NHSL2: variants seen among roughly 807,000 people sequenced by gnomAD.
NHSL2 encodes the protein NHS-like protein 2.
In NHSL2, 27 loss-of-function variants were observed where a neutral mutation model predicts 53.4. The ratio of observed to expected loss-of-function variants is 0.51; its 90% CI spans 0.37 to 0.70. The LOEUF (loss-of-function observed/expected upper bound fraction) is 0.70. Ranked by LOEUF, NHSL2 falls within the 30% of genes least tolerant of loss-of-function variation. NHSL2 has a pLI of 0.00. For synonymous variants in NHSL2, 408 were observed against 404.1 expected (o/e 1.01, Z -0.12); for missense variants, 892 against 980.1 (o/e 0.91, Z 1.20).
At chrX:71,952,619 T>C (rs1002688416) in intron 1 of NHSL2, among the ~76,000 whole-genome samples, 9 of 110,813 alleles carry the variant, frequency 8.1e-5, no homozygotes, top group African/African-American at 2.6e-4. Flanking sequence ...ATCCCATTCA[T>C]GAGAGCTGAG....
intron 1 of NHSL2, among the ~76,000 whole-genome samples, chrX:72,106,765 A>G (rs2042044603): frequency 8.9e-6 from 1 of 112,161 alleles, no homozygotes; most frequent in Non-Finnish European, 1.9e-5. Context: ...CATACACACT[A>G]TGGAATACTG....
intron 1 of NHSL2, among the ~76,000 whole-genome samples, chrX:71,921,604 T>C (rs781451549): frequency 8.9e-6 from 1 of 111,973 alleles, no homozygotes; most frequent in Admixed American, 9.5e-5. Flanking sequence ...ATTTTTGTTT[T>C]CTTACGTCAC....
chrX:72,033,184 T>C (rs986812355), intron 1 of NHSL2, among the ~76,000 whole-genome samples: 2 of 71,305 alleles, frequency 2.8e-5, no homozygotes, highest in African/African-American at 2.5e-4. Flanking sequence ...AAGAATTGAC[T>C]TTTTTTTTTT....
At chrX:72,086,602 T>G (rs2041847129) in intron 1 of NHSL2, among the ~76,000 whole-genome samples, 1 of 101,657 alleles carries the variant, frequency 9.8e-6, no homozygotes, top group Non-Finnish European at 2.0e-5. Flanking sequence ...GAGAATCACT[T>G]GAACCTGGGA....
At position 72,146,195 on chromosome X, in the gene NHSL2, C is replaced by T. The variant is rs1367560877; in HGVS notation, c.*2621C>T. 1 of 112,587 alleles carries T rather than the reference C, an allele frequency of 8.9e-6. No individual in the cohort carries two copies. The highest frequency in any genetic ancestry group is 3.2e-5 in the African/African-American group (1 of 30,974). The allele number at this position is 112,587 out of a possible 1,213,427, so 9.3% of individuals were successfully genotyped here. ...GGGATTAAAGGAGTAAGCCACTGCA[C>T]CTGGCCTCATTTAATATTTTGCAAC... On this transcript the variant is annotated 3_prime_UTR_variant, in exon 8 of 8. Coordinates refer to ENST00000633930, the MANE Select transcript of NHSL2 (RefSeq NM_001013627.3).
chrX:71,911,495 G>A (rs1332262133), intron 1 of NHSL2, 128 bp downstream of exon 1: 2 of 571,109 alleles, frequency 3.5e-6, no homozygotes, highest in South Asian at 5.9e-5. Context: ...TCCATTCGGG[G>A]AGTGAGGGGA....
chrX:72,111,159 A>G (rs1249995847), intron 1 of NHSL2, among the ~76,000 whole-genome samples: 1 of 112,361 alleles, frequency 8.9e-6, no homozygotes, highest in Admixed American at 9.3e-5. Context: ...GAAGAGGAGG[A>G]TGAAGGCCAG....
rs1261779985 is a variant in NHSL2, at chrX:72,142,247, C to T, written c.3239C>T (p.Pro1080Leu). Residue 1080 changes from proline (P) to leucine (L), a missense_variant, in exon 7 of 8, where the codon CCA (proline) becomes CTA (leucine). By Grantham distance (98) the Pro-to-Leu change is moderately conservative (BLOSUM62 -3). Transcript: ENST00000633930. ...TTATGTCTAGGGAGTTCTGTGGAAC[C>T]AGGCACCGAAGAAAAAAGTTTAATC... is the stretch of plus-strand genomic sequence containing the variant. The part of the protein sequence containing the change: ...EASPLGSSVE[P>L]GTEEKSLISD... 1 of 1,162,797 alleles carries T rather than the reference C, an allele frequency of 8.6e-7. No individual in the cohort carries two copies. Among genetic ancestry groups the T allele is most frequent in the Admixed American group, 2.6e-5 (1 of 38,466 alleles).
intron 1 of NHSL2, among the ~76,000 whole-genome samples, chrX:71,952,374 A>G (rs774752340): frequency 1.2e-4 from 13 of 112,242 alleles, no homozygotes; most frequent in Admixed American, 1.9e-4. Context: ...TGGAGAAGGG[A>G]TGCTGTCTTA....
chrX:72,011,277 T>G (rs1432040370), intron 1 of NHSL2, among the ~76,000 whole-genome samples: 3 of 112,308 alleles, frequency 2.7e-5, no homozygotes, highest in Non-Finnish European at 5.6e-5. Context: ...ACGTAACAGG[T>G]TTTTATGTGG....
At chrX:71,948,110 AAAAAT>A (rs1023712927) in intron 1 of NHSL2, among the ~76,000 whole-genome samples, 1 of 112,286 alleles carries the variant, frequency 8.9e-6, no homozygotes, top group African/African-American at 3.2e-5. Context: ...AGAGAAAAAT[AAAAAT>A]AAAATAAAAT....
At chrX:72,116,689 C>G (rs6525572) in intron 1 of NHSL2, among the ~76,000 whole-genome samples, 3 of 110,079 alleles carry the variant, frequency 2.7e-5, no homozygotes, top group South Asian at 3.9e-4. Flanking sequence ...GCTCAAGTTT[C>G]CTCAAGGTTA....
chrX:72,055,289 A>G (rs1210186234), intron 1 of NHSL2, among the ~76,000 whole-genome samples: 1 of 112,396 alleles, frequency 8.9e-6, no homozygotes, highest in African/African-American at 3.2e-5. Context: ...GGCTTGCTGC[A>G]TCTTCTCCAT....
intron 1 of NHSL2, among the ~76,000 whole-genome samples, chrX:71,985,012 A>G (rs2041997224): frequency 9.1e-6 from 1 of 110,101 alleles, no homozygotes; most frequent in African/African-American, 3.3e-5. Context: ...TTTAGTAGAG[A>G]TGGGGTTTCA....
chrX:71,958,193 A>G (rs1197127655), intron 1 of NHSL2, among the ~76,000 whole-genome samples: 1 of 110,829 alleles, frequency 9.0e-6, no homozygotes, highest in African/African-American at 3.3e-5. Flanking sequence ...AGAACTGCAA[A>G]TCAGTGATAG....
At chrX:71,952,603 G>A (rs906643446) in intron 1 of NHSL2, among the ~76,000 whole-genome samples, 1 of 110,715 alleles carries the variant, frequency 9.0e-6, no homozygotes, top group African/African-American at 3.3e-5. Flanking sequence ...TTCTATAAGG[G>A]TACTAATCCC....
chrX:72,108,616 C>T, intron 1 of NHSL2, among the ~76,000 whole-genome samples: 1 of 112,814 alleles, frequency 8.9e-6, no homozygotes, highest in Non-Finnish European at 1.9e-5. Flanking sequence ...ACAGAGCAGC[C>T]TGAGCAAACT....
chrX:72,090,186 C>T (rs2041884166), intron 1 of NHSL2, among the ~76,000 whole-genome samples: 1 of 110,890 alleles, frequency 9.0e-6, no homozygotes, highest in Non-Finnish European at 1.9e-5. Flanking sequence ...ACATCAGCCT[C>T]CCAAGTAGCT....
chrX:72,037,489 T>C (rs2042247675), intron 1 of NHSL2, among the ~76,000 whole-genome samples: 1 of 111,068 alleles, frequency 9.0e-6, no homozygotes, highest in Admixed American at 9.5e-5. Context: ...CCAATGACAA[T>C]TTAGTTTTTG....
Sources: gnomAD v4.1 joint callset for allele counts (sites outside exome capture counted in the v4.1 genomes callset) on GRCh38, gnomAD v4.1.1 for gene constraint, MANE v1.5 for transcripts, NCBI Gene and HGNC (gene_info 2026-07-23, HGNC 2026-07-21) for gene names.